Variants in SGCZ observed in about 807,000 individuals in gnomAD.
SGCZ encodes the protein sarcoglycan zeta, also known as zeta-sarcoglycan.
SGCZ carries 40 observed loss-of-function variants against 41.3 expected under a neutral mutation model. The ratio of observed to expected loss-of-function variants is 0.97; its 90% CI spans 0.75 to 1.26. SGCZ has a LOEUF of 1.26. Ranked by LOEUF, SGCZ falls within the 50% of genes most tolerant of loss-of-function variation. The pLI, the probability that SGCZ is intolerant of heterozygous loss-of-function variation, is 0.00. For synonymous variants in SGCZ, 206 were observed against 137.5 expected (o/e 1.50, Z -3.49); for missense variants, 552 against 369.8 (o/e 1.49, Z -4.04).
At chr8:14,188,901 G>A (rs1398265525) in intron 4 of SGCZ, among the ~76,000 whole-genome samples, 3 of 144,216 alleles carry the variant, frequency 2.1e-5, no homozygotes, top group African/African-American at 7.7e-5. Context: ...GCACATTCTC[G>A]TCTCATTGCA....
intron 1 of SGCZ, among the ~76,000 whole-genome samples, chr8:15,007,722 A>C (rs925880084): frequency 3.3e-5 from 5 of 152,224 alleles, no homozygotes; most frequent in Non-Finnish European, 7.3e-5. Flanking sequence ...ATAATATTAA[A>C]ATAAGTTGAA....
intron 1 of SGCZ, among the ~76,000 whole-genome samples, chr8:14,695,171 A>T (rs746213738): frequency 6.6e-6 from 1 of 152,148 alleles, no homozygotes; most frequent in Non-Finnish European, 1.5e-5. Flanking sequence ...AAAAAAAAAT[A>T]GCAAATAACT....
At chr8:15,004,131 C>T (rs1229055057) in intron 1 of SGCZ, among the ~76,000 whole-genome samples, 2 of 152,074 alleles carry the variant, frequency 1.3e-5, no homozygotes, top group South Asian at 2.1e-4. Context: ...CCCCAGTAAT[C>T]GCTCACTCTG....
At chr8:14,896,259 G>A (rs1307721283) in intron 1 of SGCZ, among the ~76,000 whole-genome samples, 1 of 152,014 alleles carries the variant, frequency 6.6e-6, no homozygotes. Flanking sequence ...CTTTTTAGTT[G>A]CCCCTGTTAA....
intron 1 of SGCZ, among the ~76,000 whole-genome samples, chr8:15,142,697 C>T (rs556549870): frequency 3.3e-5 from 5 of 151,404 alleles, no homozygotes; most frequent in South Asian, 2.1e-4. Flanking sequence ...CTGTAACCTC[C>T]GCCTCCTGGG....
At chr8:14,480,433 T>C (rs1801503981) in intron 2 of SGCZ, among the ~76,000 whole-genome samples, 1 of 152,164 alleles carries the variant, frequency 6.6e-6, no homozygotes, top group Non-Finnish European at 1.5e-5. Flanking sequence ...CCCCACAAAA[T>C]TTGAAGTTTC....
At chr8:14,732,450 G>C (rs1320286642) in intron 1 of SGCZ, among the ~76,000 whole-genome samples, 1 of 152,178 alleles carries the variant, frequency 6.6e-6, no homozygotes, top group African/African-American at 2.4e-5. Context: ...GTATAAAAGA[G>C]AGTGGTGGGG....
chr8:14,726,892 T>C lies in SGCZ; in HGVS notation c.40-171966A>G, dbSNP rs189200583. 5.3e-4 allele frequency among the ~76,000 whole-genome samples: 80 copies of C among 152,054 alleles called. No homozygotes were observed. In the East Asian group the frequency reaches 0.015, roughly 28 times the overall value. ...TCTAGTATAAATATTATTCAACAAA[T>C]AGCAAAGAAAGTATTAAGGTAAAAA... On this transcript the variant is annotated intron_variant, in intron 1 of 7. Coordinates refer to ENST00000382080, the MANE Select transcript of SGCZ (RefSeq NM_139167.4).
At chr8:14,403,587 A>G (rs1389123243) in intron 2 of SGCZ, among the ~76,000 whole-genome samples, 12 of 152,286 alleles carry the variant, frequency 7.9e-5, no homozygotes, top group African/African-American at 2.9e-4. Flanking sequence ...ATGCTGGATT[A>G]CATTTATTGA....
intron 4 of SGCZ, among the ~76,000 whole-genome samples, chr8:14,191,242 T>C (rs1805090846): frequency 6.6e-6 from 1 of 152,238 alleles, no homozygotes; most frequent in Admixed American, 6.5e-5. Context: ...TATTGACCTT[T>C]ATCAGTTACA....
At chr8:15,215,010 C>T (rs989757827) in intron 1 of SGCZ, among the ~76,000 whole-genome samples, 4 of 152,172 alleles carry the variant, frequency 2.6e-5, no homozygotes, top group Non-Finnish European at 5.9e-5. Flanking sequence ...CATCTGCATG[C>T]TTCTTTAATT....
At chr8:14,529,355 T>C (rs1474133225) in intron 2 of SGCZ, among the ~76,000 whole-genome samples, 1 of 152,150 alleles carries the variant, frequency 6.6e-6, no homozygotes, top group Non-Finnish European at 1.5e-5. Context: ...CTGACTACAA[T>C]TTTACCAATC....
intron 2 of SGCZ, among the ~76,000 whole-genome samples, chr8:14,345,620 A>G (rs894759793): frequency 1.3e-5 from 2 of 152,118 alleles, no homozygotes; most frequent in African/African-American, 4.8e-5. Context: ...GTCTAGTGCT[A>G]TTGAAAACTT....
intron 4 of SGCZ, among the ~76,000 whole-genome samples, chr8:14,168,030 T>C (rs1362097675): frequency 2.0e-5 from 3 of 152,160 alleles, no homozygotes; most frequent in Non-Finnish European, 4.4e-5. Context: ...AAGATAAAAA[T>C]GGATATAGCT....
intron 2 of SGCZ, among the ~76,000 whole-genome samples, chr8:14,490,677 G>A (rs541045867): frequency 2.8e-3 from 421 of 152,228 alleles, no homozygotes; most frequent in Non-Finnish European, 4.5e-3. Flanking sequence ...TTGTGTTCTT[G>A]AGAACAGCTC....
At chr8:15,175,522 C>T (rs1471581226) in intron 1 of SGCZ, among the ~76,000 whole-genome samples, 3 of 151,994 alleles carry the variant, frequency 2.0e-5, no homozygotes, top group Non-Finnish European at 4.4e-5. Context: ...GCTACACACA[C>T]TGGGGCCTGT....
intron 1 of SGCZ, among the ~76,000 whole-genome samples, chr8:14,601,138 G>T (rs1306880820): frequency 6.6e-6 from 1 of 151,288 alleles, no homozygotes; most frequent in East Asian, 1.9e-4. Context: ...TTATTTTTCT[G>T]CTAATATTAT....
intron 1 of SGCZ, among the ~76,000 whole-genome samples, chr8:14,692,461 C>G (rs538858431): frequency 6.6e-6 from 1 of 152,234 alleles, no homozygotes; most frequent in Non-Finnish European, 1.5e-5. Context: ...ACACTATCCA[C>G]CAATAATACA....
At chr8:14,290,718 C>A (rs534973170) in intron 3 of SGCZ, among the ~76,000 whole-genome samples, 3 of 126,104 alleles carry the variant, frequency 2.4e-5, no homozygotes, top group African/African-American at 8.6e-5. Context: ...GAATAGTGAA[C>A]AAATACACTG....
Sources: allele counts gnomAD v4.1 joint callset (sites outside exome capture counted in the v4.1 genomes callset), GRCh38; gene constraint gnomAD v4.1.1; transcripts MANE v1.5; gene names NCBI Gene and HGNC (gene_info 2026-07-23, HGNC 2026-07-21).